CHN2: variants seen among roughly 807,000 people sequenced by gnomAD.
CHN2 encodes the protein beta-chimaerin.
A neutral mutation model predicts 56.3 loss-of-function variants in CHN2; 35 were observed. The ratio of observed to expected loss-of-function variants is 0.62; its 90% CI spans 0.47 to 0.82. The LOEUF (loss-of-function observed/expected upper bound fraction) is 0.82, where lower values mean the gene tolerates loss of function less well. Ranked by LOEUF, CHN2 falls within the 40% of genes least tolerant of loss-of-function variation. The pLI is 0.00. For synonymous variants in CHN2, 210 were observed against 212.8 expected, an observed-to-expected ratio of 0.99 and a Z score of 0.12; for missense variants, 491 against 580.5, an observed-to-expected ratio of 0.85 and a Z score of 1.58.
chr7:29,350,716 CAAT>C (rs1797812550), intron 1 of CHN2, among the ~76,000 whole-genome samples: 1 of 152,140 alleles, frequency 6.6e-6, no homozygotes, highest in African/African-American at 2.4e-5. Flanking sequence ...GGTGATGTAA[CAAT>C]AACAACAACT....
chr7:29,461,833 TGGA>T (rs1351425692), intron 6 of CHN2, among the ~76,000 whole-genome samples: 1 of 151,462 alleles, frequency 6.6e-6, no homozygotes, highest in African/African-American at 2.4e-5. Context: ...GATGGATGGA[TGGA>T]TGGATGGATG....
At chr7:29,463,443 G>A (rs1165159099) in intron 6 of CHN2, among the ~76,000 whole-genome samples, 3 of 151,970 alleles carry the variant, frequency 2.0e-5, no homozygotes, top group African/African-American at 7.3e-5. Context: ...CCACCCCACA[G>A]ACACTCTTTC....
chr7:29,221,568 T>G (rs1273154997), intron 1 of CHN2, among the ~76,000 whole-genome samples: 1 of 152,194 alleles, frequency 6.6e-6, no homozygotes, highest in East Asian at 1.9e-4. Context: ...ACCCACCACC[T>G]AGGTATTAAG....
intron 1 of CHN2, among the ~76,000 whole-genome samples, chr7:29,305,820 C>T (rs1321943265): frequency 9.1e-6 from 1 of 110,314 alleles, no homozygotes; most frequent in Non-Finnish European, 2.1e-5. Flanking sequence ...CCTCGTCTTT[C>T]TCCTCCTCCT....
chr7:29,504,572 GA>G (rs1790346779), intron 9 of CHN2, among the ~76,000 whole-genome samples, 171 bp from the exon 10 acceptor site: 2 of 152,152 alleles, frequency 1.3e-5, no homozygotes, highest in South Asian at 4.1e-4. Context: ...ACTTGCCTGG[GA>G]AATTGAGACA....
intron 1 of CHN2, chr7:29,208,962 G>A (rs1784726043): frequency 6.6e-6 from 1 of 152,266 alleles, no homozygotes; most frequent in East Asian, 1.9e-4. Context: ...CAGAGAAGGG[G>A]AAATCTCTTC....
chr7:29,359,776 C>T (rs569919271), intron 2 of CHN2, among the ~76,000 whole-genome samples: 9 of 152,262 alleles, frequency 5.9e-5, no homozygotes, highest in African/African-American at 1.9e-4. Flanking sequence ...AAACTTTAAG[C>T]CAGAACTGTA....
intron 3 of CHN2, among the ~76,000 whole-genome samples, chr7:29,369,199 C>T (rs188600544): frequency 1.3e-4 from 20 of 152,252 alleles, no homozygotes; most frequent in Non-Finnish European, 2.8e-4. Context: ...TTCCTTCACT[C>T]CTGCTTTTTA....
chr7:29,242,577 G>C (rs1341333411), intron 1 of CHN2, among the ~76,000 whole-genome samples: 1 of 151,570 alleles, frequency 6.6e-6, no homozygotes, highest in Non-Finnish European at 1.5e-5. Flanking sequence ...AGGTGGATAG[G>C]CTCTAAATAG....
At chr7:29,443,950 T>A (rs932248333) in intron 6 of CHN2, among the ~76,000 whole-genome samples, 2 of 152,234 alleles carry the variant, frequency 1.3e-5, no homozygotes, top group African/African-American at 4.8e-5. Flanking sequence ...AGGAAGTGTC[T>A]ACCATTATAT....
intron 1 of CHN2, among the ~76,000 whole-genome samples, chr7:29,280,161 A>C (rs1791570133): frequency 6.6e-6 from 1 of 152,152 alleles, no homozygotes; most frequent in Non-Finnish European, 1.5e-5. Flanking sequence ...AGGCGGGTGG[A>C]TCACCTGAGG....
At chr7:29,359,681 C>T (rs1374230335) in intron 2 of CHN2, among the ~76,000 whole-genome samples, 6 of 152,152 alleles carry the variant, frequency 3.9e-5, no homozygotes, top group Non-Finnish European at 8.8e-5. Context: ...ACATTGATGA[C>T]GTCACTGAGA....
intron 1 of CHN2, among the ~76,000 whole-genome samples, chr7:29,322,921 G>A (rs182248764): frequency 2.0e-5 from 3 of 152,152 alleles, no homozygotes; most frequent in Admixed American, 6.5e-5. Flanking sequence ...CCAGCACTTC[G>A]GGAGGCCAAG....
At chr7:29,171,919 AT>A (rs1291904172) in intron 2 of CHN2, among the ~76,000 whole-genome samples, 1 of 152,126 alleles carries the variant, frequency 6.6e-6, no homozygotes, top group East Asian at 1.9e-4. Context: ...CAATTCCCAT[AT>A]GTTTGACTTT....
chr7:29,314,722 G>A (rs1286332921), intron 1 of CHN2, among the ~76,000 whole-genome samples: 1 of 152,060 alleles, frequency 6.6e-6, no homozygotes, highest in Non-Finnish European at 1.5e-5. Context: ...GAACTGAGGA[G>A]GATAGGTAGG....
intron 2 of CHN2, among the ~76,000 whole-genome samples, chr7:29,355,218 G>T (rs1038584008): frequency 6.6e-6 from 1 of 152,038 alleles, no homozygotes; most frequent in African/African-American, 2.4e-5. Flanking sequence ...TGATCCGCCT[G>T]CCTCGGCCTC....
intron 6 of CHN2, among the ~76,000 whole-genome samples, chr7:29,413,769 C>T (rs1803465855): frequency 6.6e-6 from 1 of 152,168 alleles, no homozygotes; most frequent in Non-Finnish European, 1.5e-5. Flanking sequence ...TTCCACTGGA[C>T]CACATTGACA....
At chr7:29,238,466 GTATT>G (rs1323843368) in intron 1 of CHN2, among the ~76,000 whole-genome samples, 3 of 152,088 alleles carry the variant, frequency 2.0e-5, no homozygotes, top group African/African-American at 4.8e-5. Flanking sequence ...GAAATAATAT[GTATT>G]TATTCATTTA....
chr7:29,384,756 A>G (rs549137652), intron 3 of CHN2, among the ~76,000 whole-genome samples: 1 of 152,158 alleles, frequency 6.6e-6, no homozygotes, highest in Non-Finnish European at 1.5e-5. Flanking sequence ...CCCTGAGAAA[A>G]CATGACTTCT....
Sources: gnomAD v4.1 joint callset for allele counts (sites outside exome capture counted in the v4.1 genomes callset) on GRCh38, gnomAD v4.1.1 for gene constraint, MANE v1.5 for transcripts, NCBI Gene and HGNC (gene_info 2026-07-23, HGNC 2026-07-21) for gene names.